MYT1L: variants seen among roughly 807,000 people sequenced by gnomAD.
The protein encoded by MYT1L is myelin transcription factor 1-like protein.
MYT1L carries 12 observed loss-of-function variants against 126.7 expected under a neutral mutation model. The ratio of observed to expected loss-of-function variants is 0.09; its 90% CI spans 0.06 to 0.15. MYT1L has a LOEUF of 0.15. MYT1L is among the 10% of genes least tolerant of loss of function. The pLI is 1.00. For missense variants in MYT1L, 979 were observed against 1,585.2 expected (o/e 0.62, Z 6.49); for synonymous variants, 541 against 604.2 (o/e 0.90, Z 1.53).
chr2:2,076,999 A>G (rs921132702), intron 3 of MYT1L, among the ~76,000 whole-genome samples: 8 of 152,204 alleles, frequency 5.3e-5, no homozygotes, highest in African/African-American at 1.7e-4. Flanking sequence ...ACAGAAATAG[A>G]TATTATAAAA....
intron 2 of MYT1L, among the ~76,000 whole-genome samples, chr2:2,214,483 A>T (rs1261954459): frequency 6.6e-6 from 1 of 152,170 alleles, no homozygotes; most frequent in Non-Finnish European, 1.5e-5. Context: ...AATAGGGAAA[A>T]AAAGGTGTGA....
rs1037162254 is a variant in MYT1L, at chr2:1,910,439, G to A, written c.1710-92C>T. 7 of 1,212,996 alleles carry A rather than the reference G, an allele frequency of 5.8e-6. No homozygotes were observed. The highest frequency in any genetic ancestry group is 1.5e-5 in the African/African-American group (1 of 67,116). The allele number at this position is 1,212,996 out of a possible 1,614,324, so 75.1% of individuals were successfully genotyped here. A position where few individuals can be genotyped will look rare whatever the true frequency, so the allele number is the denominator to read the frequency against. On this transcript the variant is annotated intron_variant, in intron 12 of 24. Transcript: ENST00000647738. The surrounding 1 kb of genome is among the most constrained non-coding windows in gnomAD (Gnocchi z 4.8). ...TTAGCACCAAGACCCTGATGCAGGT[G>A]GAGCTGGTGAGGGAGGGGTAGTTTC... is the stretch of plus-strand genomic sequence containing the variant.
At chr2:1,862,018 C>A (rs1226924943) in intron 18 of MYT1L, among the ~76,000 whole-genome samples, 1 of 142,192 alleles carries the variant, frequency 7.0e-6, no homozygotes, top group East Asian at 2.1e-4. Context: ...ATTTTTCACA[C>A]TCGGGGGTTA....
chr2:1,829,789 A>G (rs1481760937), intron 21 of MYT1L, among the ~76,000 whole-genome samples: 1 of 133,550 alleles, frequency 7.5e-6, no homozygotes, highest in African/African-American at 3.1e-5. Context: ...ACCTTCCCAT[A>G]CACCTGTGAA....
intron 1 of MYT1L, among the ~76,000 whole-genome samples, chr2:2,305,356 C>G (rs1021308446): frequency 2.0e-5 from 3 of 152,170 alleles, no homozygotes; most frequent in Admixed American, 6.5e-5. Context: ...GTGCCCTGAA[C>G]CAACACTTGG....
intron 2 of MYT1L, among the ~76,000 whole-genome samples, chr2:2,215,062 C>T (rs2093639581): frequency 1.3e-5 from 2 of 151,814 alleles, no homozygotes; most frequent in Non-Finnish European, 2.9e-5. Context: ...AAGATAATAG[C>T]AATTATAAGC....
intron 1 of MYT1L, chr2:2,325,102 AAT>A (rs1242901299): frequency 1.3e-5 from 2 of 152,458 alleles, no homozygotes; most frequent in Admixed American, 1.3e-4. Context: ...TATATCTAAA[AAT>A]ATCTCTCGTA....
intron 1 of MYT1L, chr2:2,326,801 A>C (rs527781465): frequency 6.6e-6 from 1 of 152,370 alleles, no homozygotes; most frequent in South Asian, 2.1e-4. Flanking sequence ...TGTCAAAGCC[A>C]AAAACACTTC....
At chr2:2,244,520 T>C (rs1399654777) in intron 2 of MYT1L, among the ~76,000 whole-genome samples, 2 of 152,126 alleles carry the variant, frequency 1.3e-5, no homozygotes, top group Non-Finnish European at 2.9e-5. Flanking sequence ...GGAAGTTGAG[T>C]CTTGAAGATT....
chr2:1,849,095 A>C (rs1355621641), intron 19 of MYT1L, among the ~76,000 whole-genome samples: 1 of 152,106 alleles, frequency 6.6e-6, no homozygotes, highest in African/African-American at 2.4e-5. Context: ...AGATATATGT[A>C]AAATGAATAA....
chr2:1,944,468 T>C (rs1188074365), intron 8 of MYT1L, among the ~76,000 whole-genome samples: 1 of 152,186 alleles, frequency 6.6e-6, no homozygotes, highest in Non-Finnish European at 1.5e-5. Flanking sequence ...CCCATTATTC[T>C]GCAGGGTGAG....
At chr2:2,291,308 GATATAAA>G (rs1007646962) in intron 1 of MYT1L, among the ~76,000 whole-genome samples, 16 of 152,304 alleles carry the variant, frequency 1.1e-4, no homozygotes, top group Admixed American at 8.5e-4. Context: ...ATCTCTTTAT[GATATAAA>G]ATGAAAATGT....
At chr2:1,969,636 ACTTG>A (rs963090423) in intron 8 of MYT1L, among the ~76,000 whole-genome samples, 21 of 152,230 alleles carry the variant, frequency 1.4e-4, no homozygotes, top group African/African-American at 5.1e-4. Flanking sequence ...AGGATGTCTG[ACTTG>A]CTTGTCAGTG....
chr2:1,972,345 A>G (rs1468250833), intron 8 of MYT1L, among the ~76,000 whole-genome samples: 4 of 127,184 alleles, frequency 3.1e-5, no homozygotes, highest in Non-Finnish European at 6.3e-5. Flanking sequence ...TAAACTTTCA[A>G]GCGTGGTTAG....
chr2:2,004,209 G>GTTCTTTCCTGAATA (rs2062802889), intron 4 of MYT1L, among the ~76,000 whole-genome samples: 1 of 95,730 alleles, frequency 1.0e-5, no homozygotes, highest in African/African-American at 5.5e-5. Flanking sequence ...TTTCCTGAAT[G>GTTCTTTCCTGAATA]TGTTCTTTCC....
chr2:2,024,772 T>C (rs2065363646), intron 4 of MYT1L, among the ~76,000 whole-genome samples: 1 of 152,228 alleles, frequency 6.6e-6, no homozygotes, highest in South Asian at 2.1e-4. Context: ...TCTGACTTCC[T>C]CCTGTTGTCA....
At chr2:2,029,549 A>T (rs527886099) in intron 4 of MYT1L, among the ~76,000 whole-genome samples, 1 of 152,334 alleles carries the variant, frequency 6.6e-6, no homozygotes, top group African/African-American at 2.4e-5. Flanking sequence ...CACCCTTGAC[A>T]CTTGCAGGTT....
At chr2:2,143,267 G>A (rs1048503681) in intron 3 of MYT1L, among the ~76,000 whole-genome samples, 1 of 149,742 alleles carries the variant, frequency 6.7e-6, no homozygotes, top group Non-Finnish European at 1.5e-5. Flanking sequence ...TCCAGCCTGG[G>A]CGACAGAGCG....
intron 3 of MYT1L, among the ~76,000 whole-genome samples, chr2:2,126,790 T>C (rs748773800): frequency 6.6e-6 from 1 of 152,218 alleles, no homozygotes; most frequent in Non-Finnish European, 1.5e-5. Context: ...CAGTTCCTGT[T>C]TGTGTATGAA....
Sources: allele counts gnomAD v4.1 joint callset (sites outside exome capture counted in the v4.1 genomes callset), GRCh38; gene constraint gnomAD v4.1.1; non-coding constraint Gnocchi (gnomAD v3.1); transcripts MANE v1.5; gene names NCBI Gene and HGNC (gene_info 2026-07-23, HGNC 2026-07-21).